The following TENT2 variants were observed in gnomAD, a reference collection of about 807,000 sequenced individuals.
TENT2 encodes terminal nucleotidyltransferase 2.
A neutral mutation model predicts 72.2 loss-of-function variants in TENT2; 44 were observed. That is an observed-to-expected ratio of 0.61 (90% CI 0.48 to 0.78). The LOEUF is 0.78. TENT2 is among the 30% of genes least tolerant of loss of function. TENT2 has a pLI of 0.00. For synonymous variants in TENT2, 212 were observed against 192.5 expected, an observed-to-expected ratio of 1.10 and a Z score of -0.84; for missense variants, 541 against 569.6, an observed-to-expected ratio of 0.95 and a Z score of 0.51.
chr5:79,613,540 G>A (rs965246769), intron 1 of TENT2, among the ~76,000 whole-genome samples: 1 of 152,092 alleles, frequency 6.6e-6, no homozygotes, highest in Non-Finnish European at 1.5e-5. Context: ...CTTCTAACAC[G>A]TACTGATTAA....
At chr5:79,659,595 A>G (rs536826281) in intron 11 of TENT2, among the ~76,000 whole-genome samples, 51 of 79,210 alleles carry the variant, frequency 6.4e-4, no homozygotes, top group Non-Finnish European at 1.1e-3. Context: ...TATATATATA[A>G]TAGCCATCGT....
intron 3 of TENT2, 60 bp downstream of exon 3, chr5:79,620,143 A>G: frequency 1.7e-6 from 2 of 1,161,342 alleles, no homozygotes; most frequent in South Asian, 2.7e-5. Context: ...CTCTGTAATG[A>G]TGTATCTTGA....
rs375479707 is a variant in TENT2 at position 79,681,997 on chromosome 5, C to A, written c.1316C>A (p.Thr439Lys). The change falls in exon 14 of 15, where the codon ACA becomes AAA. Residue 439 changes from threonine to lysine, a missense_variant. By Grantham distance (78) the Thr-to-Lys change is moderately conservative (BLOSUM62 -1). Transcript: ENST00000453514. ...AACATTGCAGAACCTTTTGATGGAA[C>A]AAATACAGCCAGAGCAGTGCACGAA... ...YICVEEPFDG[T>K]NTARAVHEKQ... 13 of 1,612,456 alleles carry A rather than the reference C, an allele frequency of 8.1e-6. No homozygotes were observed. In the African/African-American group the frequency reaches 1.6e-4, roughly 20 times the overall value.
chr5:79,635,281 T>C (rs1223833356), intron 4 of TENT2, among the ~76,000 whole-genome samples: 1 of 152,192 alleles, frequency 6.6e-6, no homozygotes, highest in Admixed American at 6.5e-5. Flanking sequence ...TGTTCTAGGG[T>C]AAAGTAATAT....
In TENT2 at chr5:79,652,391, A is replaced by T. The variant is rs531203179; in HGVS notation, c.1027+3201A>T. On this transcript the variant is annotated intron_variant, in intron 10 of 14. Coordinates refer to ENST00000453514, the MANE Select transcript of TENT2 (RefSeq NM_001114394.3). Reference sequence around the variant, plus strand: ...TTATTTAAAGATAATAACTGTGTATATATATTTGTATATATACAAATACTG... The same window carrying T: ...TTATTTAAAGATAATAACTGTGTATTTATATTTGTATATATACAAATACTG... 2.0e-5 allele frequency among the ~76,000 whole-genome samples: 3 copies of T among 152,162 alleles called. No homozygotes were observed. The South Asian group carries it at 6.2e-4, about 32-fold the overall frequency.
At chr5:79,670,743 A>G (rs1369070853) in intron 12 of TENT2, among the ~76,000 whole-genome samples, 4 of 151,146 alleles carry the variant, frequency 2.6e-5, no homozygotes, top group African/African-American at 7.3e-5. Context: ...TTGCAATAAC[A>G]ATAGCTAATG....
At chr5:79,648,305 C>G (rs1790789182) in intron 8 of TENT2, among the ~76,000 whole-genome samples, 1 of 151,634 alleles carries the variant, frequency 6.6e-6, no homozygotes, top group Non-Finnish European at 1.5e-5. Flanking sequence ...GAGACTCCAT[C>G]TCTTTAAAGA....
At position 79,641,138 on chromosome 5, in the gene TENT2, A is replaced by G; in HGVS notation, c.614A>G (p.Asn205Ser). Residue 205 changes from asparagine (N) to serine (S), a missense_variant, in exon 6 of 15, where the codon AAT (asparagine) becomes AGT (serine). Physicochemically the swap from Asn to Ser is conservative, Grantham distance 46 (BLOSUM62 1). Coordinates refer to ENST00000453514, the MANE Select transcript of TENT2 (RefSeq NM_001114394.3). The stretch of plus-strand genomic sequence containing the variant: ...CTTTTTTTGGTTGGGTCCTCTTTAA[A>G]TGGATTTGGTACCCGGAGCAGTGAT... Reference protein sequence around the residue: ...SRLFLVGSSLNGFGTRSSDGD... With the variant: ...SRLFLVGSSLSGFGTRSSDGD... 2 of 1,576,686 alleles carry G rather than the reference A, an allele frequency of 1.3e-6. No individual in the cohort carries two copies. Among genetic ancestry groups the G allele is most frequent in the Non-Finnish European group, 1.7e-6 (2 of 1,169,718 alleles).
intron 8 of TENT2, 41 bp from the exon 9 acceptor site, chr5:79,648,576 T>C: frequency 7.3e-7 from 1 of 1,378,844 alleles, no homozygotes; most frequent in Non-Finnish European, 9.9e-7. Flanking sequence ...TTTTTGTTCT[T>C]CAGCTAAAGT....
Position 79,619,745 on chromosome 5 carries a change from CAGCAGCTTAT to C in TENT2, c.100_109del (p.Gln34MetfsTer20). 1 of 1,613,806 alleles carries C rather than the reference CAGCAGCTTAT, an allele frequency of 6.2e-7. No homozygotes were observed. The highest frequency in any genetic ancestry group is 1.7e-4 in the Middle Eastern group (1 of 6,058). On this transcript the variant is annotated frameshift_variant, in exon 2 of 15. Coordinates refer to ENST00000453514, the MANE Select transcript of TENT2 (RefSeq NM_001114394.3). LOFTEE classifies it high-confidence loss of function. ...CCTGTCACCTACTGTTTATTCACAC[CAGCAGCTTAT>C]AGATGCACAATTCAACTTTCAGAAT...
chr5:79,624,427 T>G (rs1875530), intron 4 of TENT2, among the ~76,000 whole-genome samples: 30,926 of 152,120 alleles, frequency 0.2, 4,651 homozygotes, highest in African/African-American at 0.42. Flanking sequence ...AATTTTTTAA[T>G]TTAGTTATAA....
intron 12 of TENT2, among the ~76,000 whole-genome samples, chr5:79,675,118 G>T (rs1166436099): frequency 1.3e-5 from 2 of 152,100 alleles, no homozygotes; most frequent in Non-Finnish European, 2.9e-5. Flanking sequence ...AGTGTTAAGT[G>T]GAGTCCAGTT....
rs1359519218 is a variant in TENT2 at position 79,685,290 on chromosome 5, A to T, written c.*17A>T. The T allele has an allele frequency of 6.6e-7, 1 of 1,520,292 alleles. No homozygotes were observed. The highest frequency in any genetic ancestry group is 2.1e-5 in the Admixed American group (1 of 48,026). 94.2% of individuals were successfully genotyped at this position (1,520,292 alleles called of 1,614,324 possible). A position where few individuals can be genotyped will look rare whatever the true frequency, so the allele number is the denominator to read the frequency against. The stretch of plus-strand genomic sequence containing the variant: ...AAAAGATAACTGGCCTCTATTTCTT[A>T]ATAAATTCTTCCAAGAAATAAAGAA... On this transcript the variant is annotated 3_prime_UTR_variant, in exon 15 of 15. Coordinates refer to ENST00000453514, the MANE Select transcript of TENT2 (RefSeq NM_001114394.3).
intron 12 of TENT2, among the ~76,000 whole-genome samples, chr5:79,675,253 A>T (rs542700148): frequency 6.6e-6 from 1 of 152,336 alleles, no homozygotes; most frequent in South Asian, 2.1e-4. Flanking sequence ...AATCTAGAGC[A>T]CAAATAGAAT....
chr5:79,646,136 T>C (rs1409181780), intron 8 of TENT2, among the ~76,000 whole-genome samples: 1 of 152,150 alleles, frequency 6.6e-6, no homozygotes, highest in African/African-American at 2.4e-5. Flanking sequence ...GCTTTTTTGC[T>C]ATTTAGAATG....
intron 11 of TENT2, among the ~76,000 whole-genome samples, chr5:79,665,972 C>CT (rs750861867): frequency 4.3e-4 from 61 of 140,428 alleles, no homozygotes; most frequent in South Asian, 6.9e-4. Flanking sequence ...TAAAGAAATT[C>CT]TTTTTTTTTT....
At chr5:79,634,016 A>G (rs1777954133) in intron 4 of TENT2, among the ~76,000 whole-genome samples, 1 of 137,830 alleles carries the variant, frequency 7.3e-6, no homozygotes, top group Non-Finnish European at 1.5e-5. Flanking sequence ...AAAAAAAAAA[A>G]AAATTAGCTG....
rs974720311 is a variant in TENT2 at position 79,685,404 on chromosome 5, CAT to C, written c.*135_*136del. ...TTTTCATGTTTTATTTTTAAAAAGA[CAT>C]ATAAAGATTGCATATTTTATTATGA... On this transcript the variant is annotated 3_prime_UTR_variant, in exon 15 of 15. Coordinates refer to ENST00000453514, the MANE Select transcript of TENT2 (RefSeq NM_001114394.3). 18 of 560,504 alleles carry C rather than the reference CAT, an allele frequency of 3.2e-5. No homozygotes were observed. The highest frequency in any genetic ancestry group is 4.7e-5 in the Non-Finnish European group (16 of 340,320). The allele number at this position is 560,504 out of a possible 1,614,324, so 34.7% of individuals were successfully genotyped here.
intron 9 of TENT2, 30 bp downstream of exon 9, chr5:79,648,723 A>T: frequency 6.7e-7 from 1 of 1,499,716 alleles, no homozygotes; most frequent in South Asian, 1.2e-5. Flanking sequence ...ATTAAAAATT[A>T]GCCTTTTTTT....
Sources: gnomAD v4.1 joint callset for allele counts (sites outside exome capture counted in the v4.1 genomes callset) on GRCh38, gnomAD v4.1.1 for gene constraint, MANE v1.5 for transcripts, NCBI Gene and HGNC (gene_info 2026-07-23, HGNC 2026-07-21) for gene names.